The following HEPHL1 variants were observed in gnomAD, a reference collection of about 807,000 sequenced individuals.
HEPHL1 encodes hephaestin like 1, also known as ferroxidase HEPHL1.
In HEPHL1, 123 loss-of-function variants were observed where a neutral mutation model predicts 122.0. The observed-to-expected ratio is 1.01, with a 90% CI of 0.87 to 1.17. The LOEUF (loss-of-function observed/expected upper bound fraction) is 1.17. Ranked by LOEUF, HEPHL1 falls within the 50% of genes most tolerant of loss-of-function variation. The pLI, the probability that HEPHL1 is intolerant of heterozygous loss-of-function variation, is 0.00. For synonymous variants in HEPHL1, 527 were observed against 508.9 expected (o/e 1.04, Z -0.48); for missense variants, 1,452 against 1,430.5 (o/e 1.01, Z -0.24).
In HEPHL1 at chr11:94,088,751, G is replaced by A; in HGVS notation, c.2081-4G>A. On this transcript the variant is annotated splice_polypyrimidine_tract_variant and splice_region_variant and intron_variant, in intron 11 of 19. Transcript: ENST00000315765. ...CACTCAATGCCGAGCCATTTCTCTTGCAGGTATTTTTAGGGTGTTTTGTGC... is the reference window on the plus strand; with the variant it reads ...CACTCAATGCCGAGCCATTTCTCTTACAGGTATTTTTAGGGTGTTTTGTGC... 1 of 1,610,438 alleles carries A rather than the reference G, an allele frequency of 6.2e-7. No homozygotes were observed. Among genetic ancestry groups the A allele is most frequent in the South Asian group, 1.1e-5 (1 of 90,860 alleles).
intron 5 of HEPHL1, 147 bp downstream of exon 5, chr11:94,067,897 G>C: frequency 1.5e-6 from 1 of 662,664 alleles, no homozygotes; most frequent in Non-Finnish European, 2.5e-6. Flanking sequence ...AAAATATAAC[G>C]CTCATCTCTT....
chr11:94,074,196 G>A (rs566162934), intron 8 of HEPHL1, among the ~76,000 whole-genome samples: 1 of 152,172 alleles, frequency 6.6e-6, no homozygotes, highest in Admixed American at 6.6e-5. Context: ...GAATGGAAGA[G>A]AATTCCCTCT....
chr11:94,079,027 G>A (rs2134437391), intron 9 of HEPHL1, among the ~76,000 whole-genome samples: 1 of 152,222 alleles, frequency 6.6e-6, no homozygotes, highest in South Asian at 2.1e-4. Context: ...CCAAATACCT[G>A]TCAAGCAATG....
At chr11:94,085,877 T>G in intron 10 of HEPHL1, 100 bp from the exon 11 acceptor site, 2 of 838,114 alleles carry the variant, frequency 2.4e-6, no homozygotes, top group Non-Finnish European at 2.0e-6. Context: ...TACTGTTTAT[T>G]CTCTGAAAAC....
intron 17 of HEPHL1, among the ~76,000 whole-genome samples, 163 bp downstream of exon 17, chr11:94,106,293 C>CTTTTTT (rs11315401): frequency 8.2e-6 from 1 of 121,970 alleles, no homozygotes; most frequent in Non-Finnish European, 1.7e-5. Flanking sequence ...TATTTCTTTT[C>CTTTTTT]TTTTTTTTTT....
chr11:94,090,090 T>C (rs891080204), intron 12 of HEPHL1, among the ~76,000 whole-genome samples: 4 of 152,084 alleles, frequency 2.6e-5, no homozygotes, highest in African/African-American at 9.7e-5. Context: ...GAGATTATAA[T>C]GGTTCTACCT....
rs369814553 is a variant in HEPHL1 at position 94,086,276 on chromosome 11, A to T, written c.2080+87A>T. The T allele has an allele frequency of 1.6e-5, 15 of 931,748 alleles. No homozygotes were observed. The African/African-American group carries it at 2.5e-4, about 15-fold the overall frequency. The allele number at this position is 931,748 out of a possible 1,614,324, so 57.7% of individuals were successfully genotyped here. A position where few individuals can be genotyped will look rare whatever the true frequency, so the allele number is the denominator to read the frequency against. On this transcript the variant is annotated intron_variant, in intron 11 of 19. Transcript: ENST00000315765. ...GTTCTCCCACAGAAGAAATTGGTAG[A>T]CTTTGTGCACTTCAAGTGGTGTAGA...
chr11:94,049,252 C>A (rs1405474114), intron 2 of HEPHL1, among the ~76,000 whole-genome samples: 1 of 151,958 alleles, frequency 6.6e-6, no homozygotes, highest in Non-Finnish European at 1.5e-5. Flanking sequence ...AAATGCAAAT[C>A]AGAACTACAA....
intron 1 of HEPHL1, among the ~76,000 whole-genome samples, chr11:94,037,182 A>C (rs1424202530): frequency 6.6e-6 from 1 of 152,066 alleles, no homozygotes; most frequent in Non-Finnish European, 1.5e-5. Flanking sequence ...ACGGCGCACC[A>C]CGAGATTATA....
rs1447183503 is a variant in HEPHL1 at position 94,021,542 on chromosome 11, A to G, written c.170+4A>G. ...GGAAAAGTTTCACAGAAGACAAGTG[A>G]GTGAACTTAGGGTCCTCATTGACTC... On this transcript the variant is annotated splice_donor_region_variant and intron_variant, in intron 1 of 19. Coordinates refer to ENST00000315765, the MANE Select transcript of HEPHL1 (RefSeq NM_001098672.2). 1 of 1,600,344 alleles carries G rather than the reference A, an allele frequency of 6.2e-7. No individual in the cohort carries two copies. Among genetic ancestry groups the G allele is most frequent in the South Asian group, 1.1e-5 (1 of 88,296 alleles).
intron 15 of HEPHL1, among the ~76,000 whole-genome samples, 164 bp downstream of exon 15, chr11:94,103,184 A>G (rs1380387091): frequency 6.6e-6 from 1 of 150,436 alleles, no homozygotes; most frequent in Non-Finnish European, 1.5e-5. Flanking sequence ...GGACGTTTAC[A>G]TTGTCAATGG....
At chr11:94,093,971 GATATAT>G (rs201036709) in intron 13 of HEPHL1, among the ~76,000 whole-genome samples, 2,628 of 72,462 alleles carry the variant, frequency 0.036, 85 homozygotes, top group East Asian at 0.13. Context: ...TCCTCCAGCA[GATATAT>G]ATATATATAT....
intron 17 of HEPHL1, among the ~76,000 whole-genome samples, 153 bp downstream of exon 17, chr11:94,106,283 T>A (rs919643335): frequency 6.9e-6 from 1 of 144,092 alleles, no homozygotes; most frequent in African/African-American, 2.6e-5. Flanking sequence ...CCCTGGTGGA[T>A]ATTTCTTTTC....
chr11:94,106,297 T>C (rs930936160), intron 17 of HEPHL1, among the ~76,000 whole-genome samples, 167 bp downstream of exon 17: 2 of 148,306 alleles, frequency 1.3e-5, no homozygotes, highest in African/African-American at 5.0e-5. Context: ...TCTTTTCTTT[T>C]TTTTTTTTTT....
In HEPHL1 at chr11:94,113,170, A is replaced by G. The variant is rs1288756360; in HGVS notation, c.*1276A>G. 1 of 152,234 alleles carries G rather than the reference A, an allele frequency of 6.6e-6. No homozygotes were observed. The highest frequency in any genetic ancestry group is 1.5e-5 in the Non-Finnish European group (1 of 68,042). 9.4% of individuals were successfully genotyped at this position (152,234 alleles called of 1,614,324 possible). A position where few individuals can be genotyped will look rare whatever the true frequency, so the allele number is the denominator to read the frequency against. On this transcript the variant is annotated 3_prime_UTR_variant, in exon 20 of 20. Transcript: ENST00000315765. ...CTACACTGTCCATACCTATGCTTAG[A>G]CAGTAGGTGTAAGATTGATAAAAGT... is the stretch of plus-strand genomic sequence containing the variant.
rs1325695704 is a variant in HEPHL1, at chr11:94,058,957, T to C, written c.416-4551T>C. Among the ~76,000 whole-genome samples, 3 of 152,062 alleles carry C rather than the reference T, an allele frequency of 2.0e-5. No homozygotes were observed. In the East Asian group the frequency reaches 5.8e-4, roughly 29 times the overall value. ...ACATATTCACTAAATTAGTTCAAAATAGAAAATTAAAGTGCCAAATGAACA... is the reference window on the plus strand; with the variant it reads ...ACATATTCACTAAATTAGTTCAAAACAGAAAATTAAAGTGCCAAATGAACA... On this transcript the variant is annotated intron_variant, in intron 2 of 19. Transcript: ENST00000315765.
At chr11:94,101,409 T>C in intron 14 of HEPHL1, 74 bp downstream of exon 14, 2 of 1,447,302 alleles carry the variant, frequency 1.4e-6, no homozygotes, top group Middle Eastern at 2.0e-4. Flanking sequence ...CTCAGAGGTG[T>C]CTTAAAGAGC....
Position 94,064,391 on chromosome 11 carries a change from T to A in HEPHL1, c.689T>A (p.Phe230Tyr), listed in dbSNP as rs1439774180. The A allele has an allele frequency of 6.2e-7, 1 of 1,613,158 alleles. No individual in the cohort carries two copies. The highest frequency in any genetic ancestry group is 8.5e-7 in the Non-Finnish European group (1 of 1,179,264). ...NDVDREFVIM[F>Y]TLVDENQSWY... ...GTGGATCGAGAGTTTGTTATAATGT[T>A]TACTCTTGTGGATGAGAATCAAAGC... The change falls in exon 4 of 20, where the codon TTT becomes TAT. Residue 230 changes from phenylalanine to tyrosine, a missense_variant. Transcript: ENST00000315765.
At chr11:94,095,736 C>T (rs1446912690) in intron 13 of HEPHL1, among the ~76,000 whole-genome samples, 1 of 152,146 alleles carries the variant, frequency 6.6e-6, no homozygotes, top group Admixed American at 6.5e-5. Flanking sequence ...AGAGGTCCTT[C>T]ACATCCCTTG....
Sources: gnomAD v4.1 joint callset for allele counts (sites outside exome capture counted in the v4.1 genomes callset) on GRCh38, gnomAD v4.1.1 for gene constraint, MANE v1.5 for transcripts, NCBI Gene and HGNC (gene_info 2026-07-23, HGNC 2026-07-21) for gene names.